CACNA2D1: variants seen among roughly 807,000 people sequenced by gnomAD.
CACNA2D1 encodes voltage-dependent calcium channel subunit alpha-2/delta-1.
Under a neutral mutation model 171.5 loss-of-function variants are expected in CACNA2D1, and 53 were observed. The observed-to-expected ratio is 0.31, with a 90% CI of 0.25 to 0.39. CACNA2D1 has a LOEUF of 0.39. Ranked by LOEUF, CACNA2D1 falls within the 10% of genes least tolerant of loss-of-function variation. The pLI, the probability that CACNA2D1 is intolerant of heterozygous loss-of-function variation, is 1.00. For missense variants in CACNA2D1, 903 were observed against 1,299.8 expected, an observed-to-expected ratio of 0.69 and a Z score of 4.69; for synonymous variants, 442 against 443.1, an observed-to-expected ratio of 1.00 and a Z score of 0.03.
chr7:82,283,302 C>A (rs925049056), intron 3 of CACNA2D1, among the ~76,000 whole-genome samples: 1 of 152,104 alleles, frequency 6.6e-6, no homozygotes, highest in Non-Finnish European at 1.5e-5. Context: ...AAGTTTCCTT[C>A]TAACATTAGA....
Position 82,382,421 on chromosome 7 carries a change from G to A in CACNA2D1, c.96-32772C>T, listed in dbSNP as rs545114280. Reference sequence around the variant, plus strand: ...CCAGATTAGTTTGTGACTTGCTTGAGCATGTTTCCCAGCAGTGATCTTGGG... The same window carrying A: ...CCAGATTAGTTTGTGACTTGCTTGAACATGTTTCCCAGCAGTGATCTTGGG... On this transcript the variant is annotated intron_variant, in intron 1 of 38. Transcript: ENST00000356860. Among the ~76,000 whole-genome samples the A allele has an allele frequency of 7.2e-5, 11 of 152,320 alleles. No homozygotes were observed. The East Asian group carries it at 1.9e-3, about 27-fold the overall frequency.
At chr7:82,009,114 G>C (rs975343593) in intron 15 of CACNA2D1, 1 of 151,990 alleles carries the variant, frequency 6.6e-6, no homozygotes, top group Non-Finnish European at 1.5e-5. Flanking sequence ...TGTTATTCTC[G>C]TGATAGTGAG....
chr7:82,345,911 C>T (rs988918086), intron 2 of CACNA2D1, among the ~76,000 whole-genome samples: 8 of 152,078 alleles, frequency 5.3e-5, no homozygotes, highest in Non-Finnish European at 1.2e-4. Flanking sequence ...GTGAAGACTG[C>T]TCTTGTCCTC....
chr7:82,310,276 G>T (rs1814266597), intron 3 of CACNA2D1, among the ~76,000 whole-genome samples: 1 of 151,698 alleles, frequency 6.6e-6, no homozygotes, highest in South Asian at 2.1e-4. Flanking sequence ...TATGCAATGT[G>T]TACAAGAAAA....
chr7:82,130,791 C>CTTTTTTTTTTTTTTTTTTTTTTTT (rs71093363), intron 5 of CACNA2D1, among the ~76,000 whole-genome samples: 2 of 105,846 alleles, frequency 1.9e-5, no homozygotes, highest in Non-Finnish European at 3.6e-5. Flanking sequence ...TTGTTTTTGT[C>CTTTTTTTTTTTTTTTTTTTTTTTT]TTTTTTTTTT....
chr7:82,182,520 T>A (rs918206253), intron 3 of CACNA2D1, among the ~76,000 whole-genome samples: 5 of 151,484 alleles, frequency 3.3e-5, no homozygotes, highest in African/African-American at 1.2e-4. Context: ...TATAATAGGG[T>A]AAGAAGTACC....
chr7:82,261,268 A>G (rs1373845863), intron 3 of CACNA2D1, among the ~76,000 whole-genome samples: 1 of 152,082 alleles, frequency 6.6e-6, no homozygotes, highest in Non-Finnish European at 1.5e-5. Context: ...ACCACTTTTT[A>G]TAGTGTCTCC....
At chr7:82,137,794 G>A (rs2129080780) in intron 4 of CACNA2D1, among the ~76,000 whole-genome samples, 1 of 151,706 alleles carries the variant, frequency 6.6e-6, no homozygotes, top group African/African-American at 2.4e-5. Context: ...GCAGGAGAAT[G>A]GCATGAACCC....
chr7:82,030,278 G>A (rs1483382670), intron 12 of CACNA2D1, among the ~76,000 whole-genome samples: 1 of 151,320 alleles, frequency 6.6e-6, no homozygotes, highest in Non-Finnish European at 1.5e-5. Flanking sequence ...GAAAATAGTG[G>A]ATGGAATACA....
Position 82,405,620 on chromosome 7 carries a change from A to G in CACNA2D1, c.95+37745T>C, listed in dbSNP as rs934214371. Among the ~76,000 whole-genome samples, 4 of 152,206 alleles carry G rather than the reference A, an allele frequency of 2.6e-5. No homozygotes were observed. In the South Asian group the frequency reaches 6.2e-4, roughly 24 times the overall value. On this transcript the variant is annotated intron_variant, in intron 1 of 38. Coordinates refer to ENST00000356860, the MANE Select transcript of CACNA2D1 (RefSeq NM_000722.4). ...ATTCCGAGGAATGACAAGTATACAT[A>G]ATATATGTACTTACATATTAAAAAA...
At position 82,013,521 on chromosome 7, in the gene CACNA2D1, C is replaced by T. The variant is rs946926708; in HGVS notation, c.1223-11G>A. 6 of 939,764 alleles carry T rather than the reference C, an allele frequency of 6.4e-6. No homozygotes were observed. The highest frequency in any genetic ancestry group is 9.0e-6 in the Non-Finnish European group (6 of 669,588). The allele number at this position is 939,764 out of a possible 1,614,324, so 58.2% of individuals were successfully genotyped here. Reference sequence around the variant, plus strand: ...TTTCATAATAATAACCTGAAATATACATATATGTTTTTATACATAAATGTT... The same window carrying T: ...TTTCATAATAATAACCTGAAATATATATATATGTTTTTATACATAAATGTT... On this transcript the variant is annotated splice_polypyrimidine_tract_variant and intron_variant, in intron 13 of 38. Transcript: ENST00000356860.
intron 36 of CACNA2D1, 34 bp from the exon 37 acceptor site, chr7:81,959,863 T>C (rs1353896887): frequency 1.2e-6 from 2 of 1,600,454 alleles, no homozygotes; most frequent in Non-Finnish European, 1.7e-6. Flanking sequence ...AGAAAATGAG[T>C]ATCTTTTCCA....
At chr7:82,230,439 T>A (rs1269651260) in intron 3 of CACNA2D1, among the ~76,000 whole-genome samples, 1 of 152,246 alleles carries the variant, frequency 6.6e-6, no homozygotes, top group Non-Finnish European at 1.5e-5. Flanking sequence ...TGTGATGCAG[T>A]GAACATTCTA....
intron 12 of CACNA2D1, among the ~76,000 whole-genome samples, chr7:82,021,522 A>C (rs1801209469): frequency 5.9e-5 from 9 of 152,096 alleles, no homozygotes; most frequent in Admixed American, 3.9e-4. Flanking sequence ...TGTATAGATT[A>C]GGAGCATATT....
chr7:82,295,551 T>A (rs1812165346), intron 3 of CACNA2D1, among the ~76,000 whole-genome samples: 2 of 151,880 alleles, frequency 1.3e-5, no homozygotes. Context: ...AGATGGGGTT[T>A]CACCATGTTG....
At chr7:82,329,495 T>C (rs1817044057) in intron 3 of CACNA2D1, among the ~76,000 whole-genome samples, 1 of 152,138 alleles carries the variant, frequency 6.6e-6, no homozygotes, top group Non-Finnish European at 1.5e-5. Context: ...TGGTGAACAA[T>C]GAGACCACAG....
intron 1 of CACNA2D1, among the ~76,000 whole-genome samples, chr7:82,373,367 G>A (rs1028740132): frequency 8.5e-5 from 13 of 152,104 alleles, no homozygotes; most frequent in African/African-American, 2.4e-4. Flanking sequence ...AAAACCACAC[G>A]GTCCACAAAA....
intron 12 of CACNA2D1, among the ~76,000 whole-genome samples, chr7:82,022,049 C>A (rs55857901): frequency 0.29 from 43,692 of 151,738 alleles, 6,567 homozygotes; most frequent in Middle Eastern, 0.49. Flanking sequence ...AATACTTAAC[C>A]TCATTTTTCA....
At chr7:82,247,960 G>A (rs1418638491) in intron 3 of CACNA2D1, among the ~76,000 whole-genome samples, 1 of 152,066 alleles carries the variant, frequency 6.6e-6, no homozygotes, top group Non-Finnish European at 1.5e-5. Context: ...AATGAAACCA[G>A]GAAATAACAC....
Sources: gnomAD v4.1 joint callset for allele counts (sites outside exome capture counted in the v4.1 genomes callset) on GRCh38, gnomAD v4.1.1 for gene constraint, MANE v1.5 for transcripts, NCBI Gene and HGNC (gene_info 2026-07-23, HGNC 2026-07-21) for gene names.